The following EPB41L4B variants were observed in gnomAD, a reference collection of about 807,000 sequenced individuals.
The protein encoded by EPB41L4B is band 4.1-like protein 4B.
EPB41L4B carries 30 observed loss-of-function variants against 112.5 expected under a neutral mutation model. The ratio of observed to expected loss-of-function variants is 0.27; its 90% confidence interval spans 0.20 to 0.36. EPB41L4B has a LOEUF of 0.36. Ranked by LOEUF, EPB41L4B falls within the 10% of genes least tolerant of loss-of-function variation. The pLI is 1.00. For synonymous variants in EPB41L4B, 408 were observed against 439.7 expected, an observed-to-expected ratio of 0.93 and a Z score of 0.90; for missense variants, 1,024 against 1,133.3, an observed-to-expected ratio of 0.90 and a Z score of 1.38.
At chr9:109,272,868 C>G (rs907287852) in intron 2 of EPB41L4B, among the ~76,000 whole-genome samples, 1 of 152,144 alleles carries the variant, frequency 6.6e-6, no homozygotes, top group East Asian at 1.9e-4. Context: ...TTGGAGTTTA[C>G]TGTATCACAT....
intron 15 of EPB41L4B, among the ~76,000 whole-genome samples, chr9:109,222,278 C>T (rs147576891): frequency 6.6e-6 from 1 of 152,276 alleles, no homozygotes; most frequent in East Asian, 1.9e-4. Context: ...CCTGAATCTG[C>T]TCAGGTGAAA....
At chr9:109,264,282 C>T (rs1010701255) in intron 5 of EPB41L4B, among the ~76,000 whole-genome samples, 4 of 152,192 alleles carry the variant, frequency 2.6e-5, no homozygotes, top group East Asian at 3.9e-4. Flanking sequence ...AAAATCAGAA[C>T]GTATTCTTTT....
intron 15 of EPB41L4B, among the ~76,000 whole-genome samples, 168 bp from the exon 16 acceptor site, chr9:109,217,313 AAG>A (rs1469522737): frequency 1.3e-5 from 2 of 152,254 alleles, no homozygotes; most frequent in Admixed American, 1.3e-4. Flanking sequence ...ACTTAAGAAA[AAG>A]AGCAAAGTGG....
intron 1 of EPB41L4B, among the ~76,000 whole-genome samples, chr9:109,288,033 C>T (rs1480158512): frequency 1.3e-5 from 2 of 152,248 alleles, no homozygotes; most frequent in Admixed American, 6.5e-5. Context: ...GTTTGAATAA[C>T]GGCGTCCCTC....
intron 15 of EPB41L4B, among the ~76,000 whole-genome samples, chr9:109,239,449 G>C (rs552444659): frequency 1.3e-5 from 2 of 152,296 alleles, no homozygotes; most frequent in Admixed American, 1.3e-4. Flanking sequence ...ACAGAGGATG[G>C]TTTCAGAGTC....
At chr9:109,271,648 C>T (rs1046040325) in intron 2 of EPB41L4B, among the ~76,000 whole-genome samples, 11 of 152,146 alleles carry the variant, frequency 7.2e-5, no homozygotes, top group African/African-American at 2.4e-4. Flanking sequence ...TATTCAGCAG[C>T]GGCGGGACCT....
At chr9:109,256,530 A>G in intron 7 of EPB41L4B, 50 bp from the exon 8 acceptor site, 1 of 1,504,776 alleles carries the variant, frequency 6.6e-7, no homozygotes, top group Non-Finnish European at 9.2e-7. Flanking sequence ...GTAAGCCCAC[A>G]GGATTCTGAA....
chr9:109,294,403 G>A (rs112140417), intron 1 of EPB41L4B, among the ~76,000 whole-genome samples: 1 of 152,072 alleles, frequency 6.6e-6, no homozygotes, highest in Non-Finnish European at 1.5e-5. Context: ...GAATGCTTGA[G>A]CCCAGGAGTT....
intron 19 of EPB41L4B, among the ~76,000 whole-genome samples, chr9:109,202,821 T>G (rs1832879725): frequency 6.6e-6 from 1 of 152,172 alleles, no homozygotes; most frequent in African/African-American, 2.4e-5. Context: ...GTGCAATCTA[T>G]GCACAGATCC....
chr9:109,250,555 T>C (rs1319976374), intron 13 of EPB41L4B, among the ~76,000 whole-genome samples: 48 of 152,218 alleles, frequency 3.2e-4, no homozygotes, highest in Non-Finnish European at 5.9e-5. Flanking sequence ...ACAGCTTGTC[T>C]ACTCAACAAG....
intron 19 of EPB41L4B, among the ~76,000 whole-genome samples, chr9:109,202,878 A>G (rs1832881570): frequency 6.6e-6 from 1 of 152,164 alleles, no homozygotes; most frequent in Admixed American, 6.5e-5. Flanking sequence ...AAAGTAGGCT[A>G]GGTGTGGTGG....
At chr9:109,287,142 C>G (rs1836318913) in intron 1 of EPB41L4B, among the ~76,000 whole-genome samples, 1 of 152,178 alleles carries the variant, frequency 6.6e-6, no homozygotes, top group South Asian at 2.1e-4. Flanking sequence ...CTGGGGCAGG[C>G]AGGCAGCCAG....
At chr9:109,216,592 G>C (rs1034533422) in intron 16 of EPB41L4B, among the ~76,000 whole-genome samples, 1 of 148,882 alleles carries the variant, frequency 6.7e-6, no homozygotes, top group Non-Finnish European at 1.5e-5. Flanking sequence ...AATGAGCCGA[G>C]ATCATGCCAC....
chr9:109,203,835 C>T, intron 18 of EPB41L4B, 105 bp from the exon 19 acceptor site: 1 of 871,082 alleles, frequency 1.1e-6, no homozygotes, highest in South Asian at 1.4e-5. Context: ...GGCAAGTGGA[C>T]CAAAGAGGTA....
chr9:109,238,348 G>A (rs13297472), intron 15 of EPB41L4B, among the ~76,000 whole-genome samples: 66 of 152,258 alleles, frequency 4.3e-4, no homozygotes, highest in Non-Finnish European at 8.2e-4. Context: ...ACTGAATCTA[G>A]AAGTCACATG....
intron 14 of EPB41L4B, among the ~76,000 whole-genome samples, chr9:109,243,942 A>G (rs1564289647): frequency 6.6e-6 from 1 of 152,178 alleles, no homozygotes; most frequent in East Asian, 1.9e-4. Context: ...CTGCCCTTAG[A>G]AGGTGACAAC....
At chr9:109,317,811 GA>G (rs1264003329) in intron 1 of EPB41L4B, among the ~76,000 whole-genome samples, 9 of 152,150 alleles carry the variant, frequency 5.9e-5, no homozygotes, top group South Asian at 4.1e-4. Context: ...AAAAATCCAG[GA>G]ACACAAAAGA....
chr9:109,229,535 G>T (rs939693316), intron 15 of EPB41L4B, among the ~76,000 whole-genome samples: 3 of 152,148 alleles, frequency 2.0e-5, no homozygotes, highest in African/African-American at 7.2e-5. Context: ...TCCAAGTTGG[G>T]GTTCCTGGCG....
At chr9:109,289,249 G>A (rs116505355) in intron 1 of EPB41L4B, among the ~76,000 whole-genome samples, 305 of 152,236 alleles carry the variant, frequency 2.0e-3, no homozygotes, top group African/African-American at 6.7e-3. Context: ...ACTACAAAGC[G>A]TGTTGTTCTC....
Sources: allele counts gnomAD v4.1 joint callset (sites outside exome capture counted in the v4.1 genomes callset), GRCh38; gene constraint gnomAD v4.1.1; transcripts MANE v1.5; gene names NCBI Gene and HGNC (gene_info 2026-07-23, HGNC 2026-07-21).